The following MTMR12 variants were observed in gnomAD, a reference collection of about 807,000 sequenced individuals.
The protein encoded by MTMR12 is myotubularin-related protein 12.
Under a neutral mutation model 96.7 loss-of-function variants are expected in MTMR12, and 33 were observed. The observed-to-expected ratio is 0.34, with a 90% CI of 0.26 to 0.46. The LOEUF is 0.46. Ranked by LOEUF, MTMR12 falls within the 20% of genes least tolerant of loss-of-function variation. The pLI, the probability that MTMR12 is intolerant of heterozygous loss-of-function variation, is 1.00. For synonymous variants in MTMR12, 298 were observed against 327.2 expected, an observed-to-expected ratio of 0.91 and a Z score of 0.96; for missense variants, 721 against 896.1, an observed-to-expected ratio of 0.80 and a Z score of 2.49.
At chr5:32,281,899 CA>C (rs201071153) in intron 1 of MTMR12, among the ~76,000 whole-genome samples, 120 of 121,318 alleles carry the variant, frequency 9.9e-4, no homozygotes, top group Admixed American at 6.8e-4. Flanking sequence ...GACTCCGTCT[CA>C]AAAAAAAAAA....
intron 1 of MTMR12, among the ~76,000 whole-genome samples, chr5:32,301,252 A>T (rs1242204305): frequency 3.9e-5 from 6 of 152,194 alleles, no homozygotes; most frequent in Non-Finnish European, 8.8e-5. Context: ...ATAAACACTG[A>T]GGCCAGCCCA....
chr5:32,264,075 C>A (rs1047893031), intron 6 of MTMR12, among the ~76,000 whole-genome samples: 10 of 152,162 alleles, frequency 6.6e-5, no homozygotes, highest in African/African-American at 2.4e-4. Context: ...GGATCAGGGC[C>A]TGCTAGCCAA....
chr5:32,275,460 C>T (rs1177440074), intron 2 of MTMR12, among the ~76,000 whole-genome samples: 3 of 152,130 alleles, frequency 2.0e-5, no homozygotes, highest in Non-Finnish European at 2.9e-5. Flanking sequence ...AGGCCAGCCC[C>T]GTCCCATGCT....
chr5:32,236,568 G>A (rs1240776483), intron 13 of MTMR12, among the ~76,000 whole-genome samples: 1 of 151,702 alleles, frequency 6.6e-6, no homozygotes, highest in Non-Finnish European at 1.5e-5. Context: ...AAGGCCAGGC[G>A]CTGTGGCTCA....
At chr5:32,244,800 C>G (rs1748614187) in intron 10 of MTMR12, among the ~76,000 whole-genome samples, 1 of 152,092 alleles carries the variant, frequency 6.6e-6, no homozygotes, top group Non-Finnish European at 1.5e-5. Flanking sequence ...TCTTTATCAC[C>G]AACGACTAGC....
chr5:32,271,716 C>T (rs1749840290), intron 4 of MTMR12, 117 bp downstream of exon 4: 2 of 554,272 alleles, frequency 3.6e-6, no homozygotes, highest in South Asian at 4.6e-5. Flanking sequence ...CAGATTTAAA[C>T]AAGATGATAT....
chr5:32,240,879 G>A (rs149305286), intron 12 of MTMR12, among the ~76,000 whole-genome samples: 338 of 152,282 alleles, frequency 2.2e-3, no homozygotes, highest in African/African-American at 7.9e-3. Context: ...GGGATTACAG[G>A]TGTGAGCCAC....
Position 32,230,328 on chromosome 5 carries a change from A to T in MTMR12, c.1694T>A (p.Leu565Ter). 4 of 1,602,080 alleles carry T rather than the reference A, an allele frequency of 2.5e-6. No individual in the cohort carries two copies. The highest frequency in any genetic ancestry group is 3.4e-6 in the Non-Finnish European group (4 of 1,176,246). The change falls in exon 16 of 16, where the codon TTG becomes TAG. Residue 565 changes from leucine (L) to a stop codon, truncating the protein, a stop_gained. Coordinates refer to ENST00000382142, the MANE Select transcript of MTMR12 (RefSeq NM_001040446.3). LOFTEE classifies it high-confidence loss of function. ...AGATGACTTAGATTGTGTAAGTGGC[A>T]AAGAAAGTTGTCGTTGATGCTTTGA... ...MRFKHQRQLS[L>*]PLTQSKSSPK...
intron 5 of MTMR12, among the ~76,000 whole-genome samples, chr5:32,269,372 T>C (rs1749741835): frequency 6.6e-6 from 1 of 152,196 alleles, no homozygotes; most frequent in South Asian, 2.1e-4. Flanking sequence ...TTCACTCTTG[T>C]TGTTCATTGC....
intron 13 of MTMR12, among the ~76,000 whole-genome samples, chr5:32,235,660 G>A (rs1201951579): frequency 3.3e-5 from 5 of 152,128 alleles, no homozygotes; most frequent in Non-Finnish European, 1.5e-5. Context: ...TGTCCACCCC[G>A]CAGTGAGGGC....
intron 5 of MTMR12, among the ~76,000 whole-genome samples, chr5:32,269,764 A>T (rs1478654143): frequency 1.3e-5 from 2 of 152,238 alleles, no homozygotes; most frequent in African/African-American, 4.8e-5. Flanking sequence ...ATTGGATTAT[A>T]ACCAAGACAC....
intron 6 of MTMR12, among the ~76,000 whole-genome samples, chr5:32,267,377 G>GAAAAAA (rs751223074): frequency 0.018 from 1,632 of 89,820 alleles, 25 homozygotes; most frequent in East Asian, 0.069. Flanking sequence ...CTCCATCTCA[G>GAAAAAA]AAAAAAAAAA....
At chr5:32,260,784 T>C (rs1275102825) in intron 7 of MTMR12, among the ~76,000 whole-genome samples, 1 of 151,332 alleles carries the variant, frequency 6.6e-6, no homozygotes. Flanking sequence ...GTGATCAGAA[T>C]CAAAACTGAT....
chr5:32,249,405 T>C (rs1295702431), intron 8 of MTMR12, among the ~76,000 whole-genome samples: 11 of 152,096 alleles, frequency 7.2e-5, no homozygotes, highest in Non-Finnish European at 1.5e-4. Context: ...GCAACTCTCA[T>C]TAGAGAAAAT....
intron 1 of MTMR12, among the ~76,000 whole-genome samples, chr5:32,279,984 G>T (rs1048417234): frequency 6.6e-6 from 1 of 152,196 alleles, no homozygotes. Flanking sequence ...AGGGGCTGGG[G>T]ACATACAGGA....
In MTMR12 at chr5:32,263,224, T is replaced by C. The variant is rs1287588460; in HGVS notation, c.602A>G (p.His201Arg). Residue 201 changes from histidine (H) to arginine (R), a missense_variant, in exon 7 of 16, where the codon CAT becomes CGT. By Grantham distance (29) the His-to-Arg change is conservative. Coordinates refer to ENST00000382142, the MANE Select transcript of MTMR12 (RefSeq NM_001040446.3). ...CTTAAGTGTGTCAAACATTACGGTA[T>C]GGTTCTTGGGATCAGTGACTAAGAG... ...QNNTVTDPKN[H>R]TVMFDTLKDW... is the part of the protein sequence containing the mutation. The C allele has an allele frequency of 3.1e-6, 5 of 1,614,038 alleles. No homozygotes were observed. The highest frequency in any genetic ancestry group is 4.2e-6 in the Non-Finnish European group (5 of 1,180,020).
At chr5:32,292,638 G>A (rs902911412) in intron 1 of MTMR12, among the ~76,000 whole-genome samples, 43 of 152,280 alleles carry the variant, frequency 2.8e-4, no homozygotes, top group African/African-American at 9.9e-4. Flanking sequence ...CCATTAGGGC[G>A]TCTCTTAGTA....
chr5:32,300,107 G>A (rs934295491), intron 1 of MTMR12, among the ~76,000 whole-genome samples: 3 of 152,230 alleles, frequency 2.0e-5, no homozygotes, highest in Non-Finnish European at 4.4e-5. Flanking sequence ...AAGCTCCTGA[G>A]TGCACAGACT....
rs796324515 is a variant in MTMR12, at chr5:32,308,608, CT to C, written c.81+4149del. The stretch of plus-strand genomic sequence containing the variant: ...TCTCACCCCTTCCTACCTTTATCTT[CT>C]TTTTTTTTTTGAGATGGAGTCTCAC... On this transcript the variant is annotated intron_variant, in intron 1 of 15. Transcript: ENST00000382142. 1.8e-4 allele frequency among the ~76,000 whole-genome samples: 27 copies of C among 147,152 alleles called. 1 individual carries two copies. The highest frequency in any genetic ancestry group is 2.2e-4 in the African/African-American group (9 of 40,348).
Sources: gnomAD v4.1 joint callset for allele counts (sites outside exome capture counted in the v4.1 genomes callset) on GRCh38, gnomAD v4.1.1 for gene constraint, MANE v1.5 for transcripts, NCBI Gene and HGNC (gene_info 2026-07-23, HGNC 2026-07-21) for gene names.